The following CD96 variants were observed in gnomAD, a reference collection of about 807,000 sequenced individuals.
CD96 encodes the protein CD96 molecule, also known as T-cell surface protein tactile.
Under a neutral mutation model 71.3 loss-of-function variants are expected in CD96, and 70 were observed. The ratio of observed to expected loss-of-function variants is 0.98; its 90% CI spans 0.81 to 1.20. The LOEUF is 1.20. Ranked by LOEUF, CD96 falls within the 50% of genes most tolerant of loss-of-function variation. The pLI is 0.00. For synonymous variants in CD96, 248 were observed against 233.0 expected (o/e 1.06, Z -0.59); for missense variants, 742 against 677.5 (o/e 1.10, Z -1.06).
At chr3:111,544,603 C>T (rs1011964216) in intron 1 of CD96, among the ~76,000 whole-genome samples, 1 of 152,154 alleles carries the variant, frequency 6.6e-6, no homozygotes, top group Non-Finnish European at 1.5e-5. Flanking sequence ...AATTGCTATA[C>T]ACATATCATT....
At chr3:111,648,444 T>A (rs1157530343) in intron 13 of CD96, among the ~76,000 whole-genome samples, 2 of 152,188 alleles carry the variant, frequency 1.3e-5, no homozygotes, top group African/African-American at 2.4e-5. Flanking sequence ...AACAAAACAC[T>A]AAACCAGTAG....
intron 2 of CD96, among the ~76,000 whole-genome samples, chr3:111,555,291 C>A (rs139139941): frequency 2.4e-3 from 372 of 152,346 alleles, no homozygotes; most frequent in Non-Finnish European, 3.1e-3. Flanking sequence ...TATAATTTTT[C>A]ATATTTACTC....
chr3:111,664,478 T>C (rs1234172445), intron 14 of CD96, among the ~76,000 whole-genome samples: 2 of 152,012 alleles, frequency 1.3e-5, no homozygotes, highest in African/African-American at 4.8e-5. Flanking sequence ...TGGACATAAA[T>C]ATGGAAACAA....
intron 12 of CD96, among the ~76,000 whole-genome samples, chr3:111,642,599 G>C (rs1009365735): frequency 6.6e-6 from 1 of 152,076 alleles, no homozygotes; most frequent in Non-Finnish European, 1.5e-5. Context: ...ATGAGGTCAA[G>C]AGTTCACGAC....
At chr3:111,548,899 T>C (rs949771752) in intron 2 of CD96, among the ~76,000 whole-genome samples, 1 of 152,148 alleles carries the variant, frequency 6.6e-6, no homozygotes, top group Non-Finnish European at 1.5e-5. Flanking sequence ...TTTGAGTGCT[T>C]ACAGTGCTAG....
rs375625959 is a variant in CD96, at chr3:111,607,432, G to A, written c.1180+640G>A. ...GTCAGTCTGGGTCAGCAATGCTATGGCAAAGGAGTGGCAGTGACTCTCAAA... is the reference window on the plus strand; with the variant it reads ...GTCAGTCTGGGTCAGCAATGCTATGACAAAGGAGTGGCAGTGACTCTCAAA... On this transcript the variant is annotated intron_variant, in intron 8 of 13. Transcript: ENST00000352690. 5.3e-5 allele frequency among the ~76,000 whole-genome samples: 8 copies of A among 152,270 alleles called. No individual in the cohort carries two copies. The East Asian group carries it at 5.8e-4, about 11-fold the overall frequency.
chr3:111,602,023 A>G lies in CD96; in HGVS notation c.1087+1109A>G, dbSNP rs1424534613. ...CCTGTGTACTTTGAGTTAATCATTC[A>G]GAAATTGTGATGTATTTACACTAAA... On this transcript the variant is annotated intron_variant, in intron 7 of 13. Transcript: ENST00000352690. Among the ~76,000 whole-genome samples, 4 of 152,204 alleles carry G rather than the reference A, an allele frequency of 2.6e-5. No individual in the cohort carries two copies. The East Asian group carries it at 7.7e-4, about 29-fold the overall frequency.
At chr3:111,576,439 C>A (rs966337849) in intron 3 of CD96, among the ~76,000 whole-genome samples, 1 of 152,308 alleles carries the variant, frequency 6.6e-6, no homozygotes, top group South Asian at 2.1e-4. Flanking sequence ...TAATCTACAA[C>A]TCACATGAAA....
intron 7 of CD96, among the ~76,000 whole-genome samples, chr3:111,604,913 T>G (rs1432450924): frequency 3.3e-5 from 5 of 152,186 alleles, no homozygotes; most frequent in Non-Finnish European, 7.3e-5. Context: ...CCAATAAAAT[T>G]TTTATAAACA....
chr3:111,564,083 G>T (rs143077431), intron 2 of CD96, among the ~76,000 whole-genome samples: 1 of 152,156 alleles, frequency 6.6e-6, no homozygotes, highest in Non-Finnish European at 1.5e-5. Context: ...GACTTTGCTC[G>T]ATACTTTTAT....
chr3:111,556,286 G>T (rs1210293511), intron 2 of CD96, among the ~76,000 whole-genome samples: 1 of 149,154 alleles, frequency 6.7e-6, no homozygotes, highest in Non-Finnish European at 1.5e-5. Context: ...CATGTGCCGT[G>T]CTGGTGCGCC....
chr3:111,574,776 A>C (rs1472429), intron 3 of CD96, among the ~76,000 whole-genome samples: 37,441 of 151,218 alleles, frequency 0.25, 4,943 homozygotes, highest in African/African-American at 0.29. Flanking sequence ...ATTTAAAAAT[A>C]TGAATTTTTA....
At chr3:111,655,658 T>C (rs1398885532), downstream of CD96, among the ~76,000 whole-genome samples, 1 of 152,060 alleles carries the variant, frequency 6.6e-6, no homozygotes, top group Non-Finnish European at 1.5e-5. Flanking sequence ...GATAGAAAAT[T>C]GCTTAATATA....
intron 3 of CD96, among the ~76,000 whole-genome samples, chr3:111,578,072 A>G (rs191965227): frequency 1.3e-5 from 2 of 152,316 alleles, no homozygotes; most frequent in Admixed American, 1.3e-4. Context: ...TGTGCATCAG[A>G]GTGTTTTAAA....
intron 2 of CD96, among the ~76,000 whole-genome samples, chr3:111,551,772 T>C (rs1027449212): frequency 2.6e-5 from 4 of 152,022 alleles, no homozygotes; most frequent in African/African-American, 9.7e-5. Flanking sequence ...TGGGTCAGAA[T>C]GATTTATAAC....
At chr3:111,627,027 G>A (rs1938803234) in intron 10 of CD96, among the ~76,000 whole-genome samples, 1 of 152,214 alleles carries the variant, frequency 6.6e-6, no homozygotes, top group South Asian at 2.1e-4. Flanking sequence ...GTGTACATGA[G>A]TAGGAGTGAG....
chr3:111,544,219 A>G (rs1934263148), intron 1 of CD96, among the ~76,000 whole-genome samples: 1 of 152,022 alleles, frequency 6.6e-6, no homozygotes, highest in African/African-American at 2.4e-5. Context: ...ATTTCGGCTC[A>G]CTGTAATCTC....
intron 2 of CD96, among the ~76,000 whole-genome samples, chr3:111,546,320 T>A (rs1365097937): frequency 6.6e-6 from 1 of 152,170 alleles, no homozygotes; most frequent in Non-Finnish European, 1.5e-5. Flanking sequence ...GGTGAATTTA[T>A]GAAAGTGATT....
chr3:111,628,970 A>C (rs1938922649), intron 10 of CD96, among the ~76,000 whole-genome samples: 1 of 152,208 alleles, frequency 6.6e-6, no homozygotes, highest in African/African-American at 2.4e-5. Context: ...TGCTGAGAGA[A>C]TGCATTACCA....
Sources: allele counts gnomAD v4.1 joint callset (sites outside exome capture counted in the v4.1 genomes callset), GRCh38; gene constraint gnomAD v4.1.1; transcripts MANE v1.5; gene names NCBI Gene and HGNC (gene_info 2026-07-23, HGNC 2026-07-21).